Variants in RHEB observed in about 807,000 individuals in gnomAD.
RHEB encodes the protein Ras homolog, mTORC1 binding.
RHEB carries 2 observed loss-of-function variants against 28.8 expected under a neutral mutation model. That is an observed-to-expected ratio of 0.07 (90% CI 0.03 to 0.22). The LOEUF is 0.22. Ranked by LOEUF, RHEB falls within the 10% of genes least tolerant of loss-of-function variation. The pLI, the probability that RHEB is intolerant of heterozygous loss-of-function variation, is 1.00. For synonymous variants in RHEB, 69 were observed against 77.3 expected, an observed-to-expected ratio of 0.89 and a Z score of 0.56; for missense variants, 76 against 219.9, an observed-to-expected ratio of 0.35 and a Z score of 4.14.
Position 151,490,827 on chromosome 7 carries a change from C to T in RHEB, c.124+116G>A, listed in dbSNP as rs183273684. The T allele has an allele frequency of 3.3e-4, 270 of 821,172 alleles. No individual in the cohort carries two copies. In the African/African-American group the frequency reaches 3.7e-3, roughly 11 times the overall value. 50.9% of individuals were successfully genotyped at this position (821,172 alleles called of 1,614,324 possible). A position where few individuals can be genotyped will look rare whatever the true frequency, so the allele number is the denominator to read the frequency against. ...ATCTTTTGCAAGTTTTCTTTGACCC[C>T]AATTGGGAGACACACAGAATTTACC... On this transcript the variant is annotated intron_variant, in intron 2 of 7. Transcript: ENST00000262187.
chr7:151,479,938 A>G (rs1802352931), intron 3 of RHEB, among the ~76,000 whole-genome samples: 1 of 152,198 alleles, frequency 6.6e-6, no homozygotes, highest in Admixed American at 6.5e-5. Flanking sequence ...AAAAATACAA[A>G]CATCTTCTAA....
At chr7:151,508,992 G>C (rs1802937551) in intron 1 of RHEB, among the ~76,000 whole-genome samples, 2 of 152,062 alleles carry the variant, frequency 1.3e-5, no homozygotes, top group African/African-American at 4.8e-5. Context: ...GATTAAGAAA[G>C]CAATTTATTA....
At chr7:151,516,451 A>C (rs1346917752) in intron 1 of RHEB, among the ~76,000 whole-genome samples, 2 of 151,932 alleles carry the variant, frequency 1.3e-5, no homozygotes, top group African/African-American at 2.4e-5. Context: ...GGTGAAACCC[A>C]GTCTCTACTA....
At chr7:151,471,222 C>G (rs1208075374) in intron 6 of RHEB, among the ~76,000 whole-genome samples, 172 bp downstream of exon 6, 4 of 152,214 alleles carry the variant, frequency 2.6e-5, no homozygotes, top group African/African-American at 9.6e-5. Context: ...TCTCTCTTTT[C>G]TAGAGGAATG....
chr7:151,488,459 C>A (rs1802522631), intron 2 of RHEB, among the ~76,000 whole-genome samples: 1 of 152,184 alleles, frequency 6.6e-6, no homozygotes, highest in African/African-American at 2.4e-5. Context: ...CATGAAACCA[C>A]CCACTTATTT....
At chr7:151,507,057 T>C (rs1286239602) in intron 1 of RHEB, among the ~76,000 whole-genome samples, 1 of 152,198 alleles carries the variant, frequency 6.6e-6, no homozygotes, top group Non-Finnish European at 1.5e-5. Context: ...AGCACAGGAA[T>C]ACCAGGAGAG....
At chr7:151,515,274 T>C (rs967670764) in intron 1 of RHEB, among the ~76,000 whole-genome samples, 3 of 152,208 alleles carry the variant, frequency 2.0e-5, no homozygotes, top group African/African-American at 7.2e-5. Flanking sequence ...CTTATTTATA[T>C]GAAATGTCCA....
At chr7:151,475,710 A>G (rs1353066084) in intron 4 of RHEB, among the ~76,000 whole-genome samples, 1 of 152,236 alleles carries the variant, frequency 6.6e-6, no homozygotes, top group Non-Finnish European at 1.5e-5. Flanking sequence ...CATTGCTTTC[A>G]GTGACAATAT....
At chr7:151,492,137 A>G (rs1355191395) in intron 1 of RHEB, among the ~76,000 whole-genome samples, 1 of 152,172 alleles carries the variant, frequency 6.6e-6, no homozygotes, top group Non-Finnish European at 1.5e-5. Flanking sequence ...TGCCTGGCAT[A>G]CTTAACTCCA....
intron 2 of RHEB, among the ~76,000 whole-genome samples, chr7:151,488,625 T>C (rs1802525361): frequency 6.6e-6 from 1 of 152,240 alleles, no homozygotes; most frequent in Non-Finnish European, 1.5e-5. Context: ...TAGAATATAA[T>C]GTCTGAACAT....
intron 1 of RHEB, among the ~76,000 whole-genome samples, chr7:151,511,265 A>G (rs1355653300): frequency 6.6e-6 from 1 of 152,160 alleles, no homozygotes; most frequent in Non-Finnish European, 1.5e-5. Context: ...TCAACTCTCA[A>G]TCCTGCAAAA....
chr7:151,514,360 A>C (rs1199924720), intron 1 of RHEB, among the ~76,000 whole-genome samples: 2 of 152,216 alleles, frequency 1.3e-5, no homozygotes, highest in African/African-American at 4.8e-5. Flanking sequence ...TGGCAGGAGA[A>C]AAATAGATAT....
At chr7:151,501,753 G>T (rs1802775291) in intron 1 of RHEB, 1 of 238,272 alleles carries the variant, frequency 4.2e-6, no homozygotes, top group Non-Finnish European at 8.4e-6. Flanking sequence ...CCTGGCGGAG[G>T]AAGTGACATC....
chr7:151,479,295 T>C (rs2150923741), intron 3 of RHEB, among the ~76,000 whole-genome samples: 1 of 152,130 alleles, frequency 6.6e-6, no homozygotes, highest in East Asian at 1.9e-4. Flanking sequence ...AATTCACACT[T>C]TGGCAAAAAC....
intron 1 of RHEB, among the ~76,000 whole-genome samples, chr7:151,514,345 A>G (rs1803039535): frequency 6.6e-6 from 1 of 152,230 alleles, no homozygotes; most frequent in Non-Finnish European, 1.5e-5. Context: ...CACCAAAAGC[A>G]TAAGTGGCAG....
At chr7:151,474,918 G>A (rs1165899867) in intron 4 of RHEB, among the ~76,000 whole-genome samples, 2 of 152,008 alleles carry the variant, frequency 1.3e-5, no homozygotes, top group Non-Finnish European at 2.9e-5. Flanking sequence ...CAGCATATAG[G>A]TTTCTAAAAA....
intron 3 of RHEB, among the ~76,000 whole-genome samples, chr7:151,481,159 T>C (rs1421715583): frequency 6.6e-6 from 1 of 152,044 alleles, no homozygotes; most frequent in Non-Finnish European, 1.5e-5. Context: ...CTTCACATTC[T>C]TACCCCAAAA....
rs751561138 is a variant in RHEB, at chr7:151,471,507, A to C, written c.332+42T>G. On this transcript the variant is annotated intron_variant, in intron 5 of 7. Coordinates refer to ENST00000262187, the MANE Select transcript of RHEB (RefSeq NM_005614.4). ...TTGTATTGCTCAGAAGATACTATTA[A>C]AAGAAGTTTCTCTAACAAGCAGATA... The C allele has an allele frequency of 7.1e-6, 11 of 1,558,676 alleles. No homozygotes were observed. In the East Asian group the frequency reaches 2.5e-4, roughly 35 times the overall value.
At chr7:151,484,476 T>C (rs181179375) in intron 3 of RHEB, among the ~76,000 whole-genome samples, 1 of 152,320 alleles carries the variant, frequency 6.6e-6, no homozygotes, top group Non-Finnish European at 1.5e-5. Flanking sequence ...CCTTGACTTA[T>C]GATGGGGTTA....
Sources: allele counts gnomAD v4.1 joint callset (sites outside exome capture counted in the v4.1 genomes callset), GRCh38; gene constraint gnomAD v4.1.1; transcripts MANE v1.5; gene names NCBI Gene and HGNC (gene_info 2026-07-23, HGNC 2026-07-21).